The following TRPM4 variants were observed in gnomAD, a reference collection of about 807,000 sequenced individuals.
TRPM4 encodes transient receptor potential cation channel subfamily M member 4, also known as calcium-activated non-selective cation channel 1.
Under a neutral mutation model 135.6 loss-of-function variants are expected in TRPM4, and 124 were observed. The ratio of observed to expected loss-of-function variants is 0.91; its 90% confidence interval spans 0.79 to 1.06. The LOEUF (loss-of-function observed/expected upper bound fraction) is 1.06, where lower values mean the gene tolerates loss of function less well. Ranked by LOEUF, TRPM4 falls within the 50% of genes least tolerant of loss-of-function variation. TRPM4 has a pLI of 0.00. For missense variants in TRPM4, 1,658 were observed against 1,671.4 expected (o/e 0.99, Z 0.14); for synonymous variants, 745 against 705.6 (o/e 1.06, Z -0.88).
Position 49,171,580 on chromosome 19 carries a change from A to T in TRPM4, c.861A>T (p.Arg287=), listed in dbSNP as rs1568461979. ...LIDGDEKMLT[R]IENATQAQLP... is the part of the protein sequence containing the mutation. ...TAAAGAATGCCTTTATCCTGTAGCG[A>T]ATAGAGAACGCCACCCAGGCTCAGC... Residue 287 remains arginine, a splice_region_variant and synonymous_variant, in exon 8 of 25, where the codon CGA becomes CGT. Transcript: ENST00000252826. This position sits in a 1 kb window ranked among gnomAD's most constrained non-coding sequence, Gnocchi z 4.7. 1 of 1,614,012 alleles carries T rather than the reference A, an allele frequency of 6.2e-7. No individual in the cohort carries two copies. Among genetic ancestry groups the T allele is most frequent in the East Asian group, 2.2e-5 (1 of 44,868 alleles).
At chr19:49,172,546 ATTCT>A (rs149437635) in intron 9 of TRPM4, among the ~76,000 whole-genome samples, 4,296 of 148,870 alleles carry the variant, frequency 0.029, 74 homozygotes, top group African/African-American at 0.052. Flanking sequence ...CCATTCAGTC[ATTCT>A]TCCATCCATC....
rs774339771 is a variant in TRPM4, at chr19:49,196,883, C to T, written c.2645+9C>T. 8 of 1,570,744 alleles carry T rather than the reference C, an allele frequency of 5.1e-6. No homozygotes were observed. In the Admixed American group the frequency reaches 7.1e-5, roughly 14 times the overall value. ...CTGGGCGTGGGCTGCCGGTGAGTGC[C>T]CCGGGGCCTTGGAACCCTGGCCCCT... is the stretch of plus-strand genomic sequence containing the variant. On this transcript the variant is annotated intron_variant, in intron 17 of 24. Transcript: ENST00000252826.
At chr19:49,202,173 A>G (rs1246683882) in intron 20 of TRPM4, 32 bp downstream of exon 20, 1 of 1,611,394 alleles carries the variant, frequency 6.2e-7, no homozygotes, top group Non-Finnish European at 8.5e-7. Context: ...ATCTGACCCC[A>G]CCCAGCATGA....
intron 16 of TRPM4, among the ~76,000 whole-genome samples, chr19:49,193,080 G>GGTTT (rs544387196): frequency 0.037 from 4,967 of 132,630 alleles, 141 homozygotes; most frequent in East Asian, 0.15. Flanking sequence ...AAATCAGTTG[G>GGTTT]TTTTTTTTTT....
At position 49,171,488 on chromosome 19, in the gene TRPM4, T is replaced by A. The variant is rs771054449; in HGVS notation, c.858+70T>A. The A allele has an allele frequency of 6.2e-7, 1 of 1,610,002 alleles. No homozygotes were observed. The highest frequency in any genetic ancestry group is 8.5e-7 in the Non-Finnish European group (1 of 1,177,260). On this transcript the variant is annotated intron_variant, in intron 7 of 24. Transcript: ENST00000252826. The surrounding 1 kb of genome is among the most constrained non-coding windows in gnomAD (Gnocchi z 4.7). The stretch of plus-strand genomic sequence containing the variant: ...GGGGCCAGGACTCCTGGGTCCTGAG[T>A]CTTAGGGAGGGTCTGGGGGTCTGAC...
chr19:49,194,703 C>T (rs12974254), intron 16 of TRPM4, among the ~76,000 whole-genome samples: 4,179 of 122,192 alleles, frequency 0.034, 155 homozygotes, highest in African/African-American at 0.093. Context: ...CTTCCTTCCT[C>T]CCTCTCTTTT....
chr19:49,166,324 C>CTGTCTTGGCT, intron 3 of TRPM4, 109 bp downstream of exon 3: 1 of 1,191,670 alleles, frequency 8.4e-7, no homozygotes, highest in Non-Finnish European at 1.2e-6. Context: ...CCGCCCATCC[C>CTGTCTTGGCT]TGTCTTGGCT....
intron 2 of TRPM4, among the ~76,000 whole-genome samples, chr19:49,160,086 G>T (rs1225592885): frequency 6.6e-6 from 1 of 152,200 alleles, no homozygotes; most frequent in African/African-American, 2.4e-5. Flanking sequence ...GCTGGGAGGA[G>T]GTGTTTGCTT....
At chr19:49,176,116 G>T (rs1967684103) in intron 9 of TRPM4, among the ~76,000 whole-genome samples, 2 of 150,086 alleles carry the variant, frequency 1.3e-5, no homozygotes, top group Admixed American at 1.3e-4. Context: ...TACAGACAGG[G>T]TTTCGCCATG....
Position 49,196,548 on chromosome 19 carries a change from C to T in TRPM4, c.2319C>T (p.Phe773=), listed in dbSNP as rs1968648497. ...GGCGCCGGTGCCTACGCCGCTGGTT[C>T]CACTTCTGGGGCGCGCCGGTGACCA... is the stretch of plus-strand genomic sequence containing the variant. ...CGGRRCLRRW[F]HFWGAPVTIF... Residue 773 remains phenylalanine, a synonymous_variant, in exon 17 of 25, where the codon TTC becomes TTT. Transcript: ENST00000252826. 6 of 1,555,452 alleles carry T rather than the reference C, an allele frequency of 3.9e-6. No homozygotes were observed. Among genetic ancestry groups the T allele is most frequent in the Non-Finnish European group, 1.7e-6 (2 of 1,153,476 alleles).
chr19:49,200,152 A>G, intron 17 of TRPM4, 148 bp from the exon 18 acceptor site: 2 of 1,208,146 alleles, frequency 1.7e-6, no homozygotes, highest in South Asian at 2.6e-5. Context: ...GGTACTGAAT[A>G]AATTTGAGTA....
Position 49,210,407 on chromosome 19 carries a change from T to G in TRPM4, c.3328+2T>G. 1 of 1,613,062 alleles carries G rather than the reference T, an allele frequency of 6.2e-7. No homozygotes were observed. The highest frequency in any genetic ancestry group is 1.1e-5 in the South Asian group (1 of 91,078). On this transcript the variant is annotated splice_donor_variant, in intron 21 of 24. Coordinates refer to ENST00000252826, the MANE Select transcript of TRPM4 (RefSeq NM_017636.4). LOFTEE classifies it high-confidence loss of function. This position sits in a 1 kb window ranked among gnomAD's most constrained non-coding sequence, Gnocchi z 4.1. Reference sequence around the variant, plus strand: ...CCTCCCCGGCCCTCGAGCATTTCCGTAAGAACAGAGCTTGGCTTAAAAAGG... The same window carrying G: ...CCTCCCCGGCCCTCGAGCATTTCCGGAAGAACAGAGCTTGGCTTAAAAAGG...
chr19:49,181,356 G>A lies in TRPM4; in HGVS notation c.1158G>A (p.Gly386=), dbSNP rs1967913080. The stretch of plus-strand genomic sequence containing the variant: ...TCCCTCTAATCCTTCCAGCCTGTGG[G>A]AGCTCGGAGGCCTCAGCCTACCTGG... ...IVLKALVKAC[G]SSEASAYLDE... The change falls in exon 10 of 25, where the codon GGG becomes GGA. Residue 386 remains glycine, a synonymous_variant. Coordinates refer to ENST00000252826, the MANE Select transcript of TRPM4 (RefSeq NM_017636.4). The A allele has an allele frequency of 6.2e-7, 1 of 1,613,450 alleles. No individual in the cohort carries two copies. Among genetic ancestry groups the A allele is most frequent in the Non-Finnish European group, 8.5e-7 (1 of 1,179,644 alleles).
intron 2 of TRPM4, among the ~76,000 whole-genome samples, chr19:49,162,149 T>TC (rs1054566821): frequency 1.1e-4 from 16 of 152,264 alleles, no homozygotes; most frequent in Non-Finnish European, 2.9e-5. Context: ...TGAGAGCCTT[T>TC]CAGCTGTAGC....
At chr19:49,186,637 C>T (rs142628675) in intron 12 of TRPM4, among the ~76,000 whole-genome samples, 2,372 of 152,168 alleles carry the variant, frequency 0.016, 31 homozygotes, top group Middle Eastern at 0.024. Context: ...TTTGGGAGGC[C>T]GAGGCAGGTG....
At position 49,174,743 on chromosome 19, in the gene TRPM4, C is replaced by CA. The variant is rs34163341; in HGVS notation, c.1150+2653dup. 7.6e-3 allele frequency among the ~76,000 whole-genome samples: 716 copies of CA among 94,298 alleles called. 4 individuals carry two copies. Among genetic ancestry groups the CA allele is most frequent in the African/African-American group, 7.8e-3 (195 of 24,892 alleles). The allele number at this position is 94,298 out of a possible 152,430, so 61.9% of individuals were successfully genotyped here. A position where few individuals can be genotyped will look rare whatever the true frequency, so the allele number is the denominator to read the frequency against. On this transcript the variant is annotated intron_variant, in intron 9 of 24. Coordinates refer to ENST00000252826, the MANE Select transcript of TRPM4 (RefSeq NM_017636.4). The stretch of plus-strand genomic sequence containing the variant: ...TGGGTGATAGGGCAAGACTCTGTCT[C>CA]AAAAAAAAAAAAAAAAAACCTAAAT...
At chr19:49,198,017 C>G (rs979252022) in intron 17 of TRPM4, among the ~76,000 whole-genome samples, 1 of 152,052 alleles carries the variant, frequency 6.6e-6, no homozygotes, top group African/African-American at 2.4e-5. Flanking sequence ...TACAAGGGAC[C>G]TGACACATCC....
At chr19:49,195,247 C>T (rs1227828698) in intron 16 of TRPM4, among the ~76,000 whole-genome samples, 1 of 152,170 alleles carries the variant, frequency 6.6e-6, no homozygotes, top group Non-Finnish European at 1.5e-5. Context: ...ACATGCTTAG[C>T]ACTGCTTTTC....
intron 16 of TRPM4, 128 bp from the exon 17 acceptor site, chr19:49,196,312 G>C: frequency 1.2e-6 from 1 of 848,898 alleles, no homozygotes; most frequent in South Asian, 1.8e-5. Flanking sequence ...CAAGAAATTA[G>C]CTCTGGGCAG....
Sources: gnomAD v4.1 joint callset for allele counts (sites outside exome capture counted in the v4.1 genomes callset) on GRCh38, gnomAD v4.1.1 for gene constraint, Gnocchi (gnomAD v3.1) non-coding constraint, MANE v1.5 for transcripts, NCBI Gene and HGNC (gene_info 2026-07-23, HGNC 2026-07-21) for gene names.